The following CDH4 variants were observed in gnomAD, a reference collection of about 807,000 sequenced individuals.
CDH4 encodes the protein cadherin 4, also known as cadherin-4.
Under a neutral mutation model 86.0 loss-of-function variants are expected in CDH4, and 33 were observed. The observed-to-expected ratio is 0.38, with a 90% confidence interval of 0.29 to 0.51. The LOEUF is 0.51. CDH4 is among the 20% of genes least tolerant of loss of function. The pLI is 0.86. For synonymous variants in CDH4, 555 were observed against 549.4 expected (o/e 1.01, Z -0.14); for missense variants, 1,114 against 1,307.4 (o/e 0.85, Z 2.28).
At chr20:61,645,618 C>T (rs1008284809) in intron 2 of CDH4, among the ~76,000 whole-genome samples, 2 of 130,016 alleles carry the variant, frequency 1.5e-5, no homozygotes, top group African/African-American at 6.2e-5. Context: ...TGACAGAGTA[C>T]GACCCTGTCT....
intron 2 of CDH4, among the ~76,000 whole-genome samples, chr20:61,278,499 G>A (rs545800195): frequency 6.6e-6 from 1 of 152,346 alleles, no homozygotes; most frequent in African/African-American, 2.4e-5. Flanking sequence ...GGCGACCTCA[G>A]GCTGTGGCCC....
rs1015394163 is a variant in CDH4 at position 61,879,894 on chromosome 20, G to C, written c.1050+5994G>C. ...CGGCCTTCCGGTCCTATCACAAGAG[G>C]ACTATCACCTGGTCACCTCCATCAG... On this transcript the variant is annotated intron_variant, in intron 7 of 15. Transcript: ENST00000614565. This position sits in a 1 kb window ranked among gnomAD's most constrained non-coding sequence, Gnocchi z 4.1. 2.0e-5 allele frequency among the ~76,000 whole-genome samples: 3 copies of C among 152,080 alleles called. No homozygotes were observed. The highest frequency in any genetic ancestry group is 7.2e-5 in the African/African-American group (3 of 41,420).
intron 2 of CDH4, among the ~76,000 whole-genome samples, chr20:61,415,708 CT>C (rs546188723): frequency 7.4e-5 from 11 of 148,836 alleles, no homozygotes; most frequent in Middle Eastern, 3.5e-3. Context: ...GTCAGAATCT[CT>C]TTTTTTTTTA....
At chr20:61,875,391 G>A (rs1003509029) in intron 7 of CDH4, among the ~76,000 whole-genome samples, 2 of 151,572 alleles carry the variant, frequency 1.3e-5, no homozygotes, top group South Asian at 2.1e-4. Flanking sequence ...TGGCCGCCGG[G>A]TTCAGCACGG....
intron 2 of CDH4, among the ~76,000 whole-genome samples, chr20:61,332,425 G>T (rs556746224): frequency 1.3e-5 from 2 of 152,190 alleles, no homozygotes; most frequent in Admixed American, 6.5e-5. Flanking sequence ...GCAAGGATTC[G>T]TGTGATCCCA....
intron 2 of CDH4, among the ~76,000 whole-genome samples, chr20:61,521,852 C>A (rs1231610298): frequency 1.3e-5 from 2 of 152,166 alleles, no homozygotes; most frequent in African/African-American, 4.8e-5. Flanking sequence ...GTGCAACGGC[C>A]GGCCTGTGCT....
At chr20:61,837,394 G>T (rs568921641) in intron 4 of CDH4, among the ~76,000 whole-genome samples, 6 of 152,300 alleles carry the variant, frequency 3.9e-5, no homozygotes, top group Admixed American at 2.0e-4. Context: ...CCAGCAGTAT[G>T]ATGCGGAAAC....
rs1042467690 is a variant in CDH4, at chr20:61,748,779, G to A, written c.396+4990G>A. On this transcript the variant is annotated intron_variant, in intron 3 of 15. Coordinates refer to ENST00000614565, the MANE Select transcript of CDH4 (RefSeq NM_001794.5). ...ACTCCTAAATAAGACGAAAATACTT[G>A]TTATAAAGTCTTTAGAAAATCACTA... Among the ~76,000 whole-genome samples, 13 of 152,162 alleles carry A rather than the reference G, an allele frequency of 8.5e-5. 1 individual carries two copies. Among genetic ancestry groups the A allele is most frequent in the Middle Eastern group, 6.8e-3 (2 of 292 alleles).
At chr20:61,710,338 G>A (rs1161895102) in intron 2 of CDH4, among the ~76,000 whole-genome samples, 1 of 152,136 alleles carries the variant, frequency 6.6e-6, no homozygotes, top group Non-Finnish European at 1.5e-5. Flanking sequence ...GGTTCTCTGG[G>A]CCCCAATGTG....
intron 2 of CDH4, among the ~76,000 whole-genome samples, chr20:61,547,683 C>T (rs2086098925): frequency 6.6e-6 from 1 of 152,176 alleles, no homozygotes; most frequent in Admixed American, 6.5e-5. Context: ...TCAGAATGTT[C>T]CCGAGCTCCT....
chr20:61,476,939 G>A (rs745626977), intron 2 of CDH4, among the ~76,000 whole-genome samples: 2 of 152,196 alleles, frequency 1.3e-5, no homozygotes, highest in African/African-American at 2.4e-5. Context: ...AGGAATCTGG[G>A]TTTAGGTGTT....
At chr20:61,460,324 G>T (rs546370121) in intron 2 of CDH4, among the ~76,000 whole-genome samples, 9 of 152,284 alleles carry the variant, frequency 5.9e-5, no homozygotes, top group African/African-American at 2.2e-4. Flanking sequence ...GAAAAAGGCT[G>T]CTCTGTCTCT....
chr20:61,917,690 C>T (rs1457872139), intron 9 of CDH4, among the ~76,000 whole-genome samples: 1 of 152,264 alleles, frequency 6.6e-6, no homozygotes, highest in Non-Finnish European at 1.5e-5. Flanking sequence ...TGCTCAGGCA[C>T]ACGCCCAGCT....
chr20:61,794,142 C>CAAAA (rs59426596), intron 4 of CDH4, among the ~76,000 whole-genome samples: 42,219 of 120,598 alleles, frequency 0.35, 7,840 homozygotes, highest in African/African-American at 0.44. Flanking sequence ...GACTCTATCT[C>CAAAA]AAAAAAAAAA....
In CDH4 at chr20:61,934,195, G is replaced by A. The variant is rs142421453; in HGVS notation, c.2519G>A (p.Gly840Asp). 6.3e-7 allele frequency: 1 copy of A among 1,575,924 alleles called. No homozygotes were observed. The highest frequency in any genetic ancestry group is 8.6e-7 in the Non-Finnish European group (1 of 1,156,300). ...ATCAGGCCCATGGTGCCGCACCCAG[G>A]CGACATCGGTGACTTCATCAATGAG... ...YPIRPMVPHP[G>D]DIGDFINEGL... The change falls in exon 15 of 16, where the codon GGC becomes GAC. Residue 840 changes from glycine to aspartate, a missense_variant. By Grantham distance (94) the Gly-to-Asp change is moderately conservative (BLOSUM62 -1). Coordinates refer to ENST00000614565, the MANE Select transcript of CDH4 (RefSeq NM_001794.5).
chr20:61,477,317 A>G (rs1323765146), intron 2 of CDH4, among the ~76,000 whole-genome samples: 2 of 146,694 alleles, frequency 1.4e-5, no homozygotes, highest in Non-Finnish European at 3.1e-5. Flanking sequence ...TGGTGGAGAC[A>G]TGGTCCGGGC....
At chr20:61,267,973 G>C (rs1409218143) in intron 2 of CDH4, among the ~76,000 whole-genome samples, 1 of 152,242 alleles carries the variant, frequency 6.6e-6, no homozygotes, top group Non-Finnish European at 1.5e-5. Context: ...CTGGCTTCAG[G>C]GCAGATCCGT....
chr20:61,391,032 T>TG (rs1235032708), intron 2 of CDH4, among the ~76,000 whole-genome samples: 2 of 152,034 alleles, frequency 1.3e-5, no homozygotes, highest in Admixed American at 6.5e-5. Flanking sequence ...AGTGCCGCAG[T>TG]GGGGGGTAGC....
chr20:61,642,726 C>T (rs1302214135), intron 2 of CDH4, among the ~76,000 whole-genome samples: 1 of 152,222 alleles, frequency 6.6e-6, no homozygotes, highest in Non-Finnish European at 1.5e-5. Flanking sequence ...ATCCAGGTGT[C>T]TGCAGGGCTG....
Sources: allele counts gnomAD v4.1 joint callset (sites outside exome capture counted in the v4.1 genomes callset), GRCh38; gene constraint gnomAD v4.1.1; non-coding constraint Gnocchi (gnomAD v3.1); transcripts MANE v1.5; gene names NCBI Gene and HGNC (gene_info 2026-07-23, HGNC 2026-07-21).